Variants in SAMD3 observed in about 807,000 individuals in gnomAD.
SAMD3 encodes the protein sterile alpha motif domain-containing protein 3.
In SAMD3, 63 loss-of-function variants were observed where a neutral mutation model predicts 58.5. The ratio of observed to expected loss-of-function variants is 1.08; its 90% CI spans 0.88 to 1.33. The LOEUF is 1.33. SAMD3 is among the 40% of genes most tolerant of loss of function. SAMD3 has a pLI of 0.00. For synonymous variants in SAMD3, 220 were observed against 210.3 expected (o/e 1.05, Z -0.40); for missense variants, 604 against 608.4 (o/e 0.99, Z 0.08).
intron 1 of SAMD3, among the ~76,000 whole-genome samples, chr6:130,325,886 A>G (rs1776742667): frequency 6.6e-6 from 1 of 152,178 alleles, no homozygotes; most frequent in South Asian, 2.1e-4. Flanking sequence ...TCAAAAATCT[A>G]GAAGTTGACC....
chr6:130,185,530 T>C lies in SAMD3; in HGVS notation c.384-907A>G, dbSNP rs1792861572. Reference sequence around the variant, plus strand: ...TTTTAGTAGAGATGGAGTTTCACCATGTTGGCCAGGATGGTCTCAATCTCC... The same window carrying C: ...TTTTAGTAGAGATGGAGTTTCACCACGTTGGCCAGGATGGTCTCAATCTCC... On this transcript the variant is annotated intron_variant, in intron 5 of 11. Transcript: ENST00000439090. Among the ~76,000 whole-genome samples, 2 of 151,770 alleles carry C rather than the reference T, an allele frequency of 1.3e-5. 1 individual carries two copies. The highest frequency in any genetic ancestry group is 4.2e-4 in the South Asian group (2 of 4,802).
At chr6:130,301,643 G>T (rs1775752594) in intron 2 of SAMD3, among the ~76,000 whole-genome samples, 1 of 152,058 alleles carries the variant, frequency 6.6e-6, no homozygotes, top group South Asian at 2.1e-4. Context: ...TCAGCAAAAA[G>T]AACAAATCTG....
At chr6:130,218,926 A>G (rs951258168) in intron 1 of SAMD3, among the ~76,000 whole-genome samples, 2 of 152,234 alleles carry the variant, frequency 1.3e-5, no homozygotes, top group African/African-American at 4.8e-5. Context: ...AGAAAGGCTT[A>G]GAATGTTAAG....
upstream of SAMD3, among the ~76,000 whole-genome samples, chr6:130,223,684 G>A (rs1470009051): frequency 2.0e-5 from 3 of 152,154 alleles, no homozygotes; most frequent in Admixed American, 6.5e-5. Flanking sequence ...CTTGCAGGGC[G>A]TGCGATGGGT....
At chr6:130,346,400 G>A (rs1386987787) in intron 1 of SAMD3, among the ~76,000 whole-genome samples, 1 of 152,226 alleles carries the variant, frequency 6.6e-6, no homozygotes, top group African/African-American at 2.4e-5. Flanking sequence ...AGTGGTCTTA[G>A]CAAACGGCAC....
intron 5 of SAMD3, among the ~76,000 whole-genome samples, chr6:130,189,103 CAA>C (rs71028200): frequency 0.03 from 4,101 of 138,462 alleles, 82 homozygotes; most frequent in Non-Finnish European, 0.041. Context: ...TTAAAAAAAC[CAA>C]AAAAAAAAAA....
At chr6:130,169,040 A>G (rs917068463) in intron 8 of SAMD3, among the ~76,000 whole-genome samples, 23 of 152,138 alleles carry the variant, frequency 1.5e-4, no homozygotes, top group African/African-American at 4.8e-4. Flanking sequence ...TACGTGACAC[A>G]TGGACTCAAG....
In SAMD3 at chr6:130,217,326, G is replaced by A. The variant is rs551666537; in HGVS notation, c.-67-710C>T. Among the ~76,000 whole-genome samples, 9 of 152,232 alleles carry A rather than the reference G, an allele frequency of 5.9e-5. No homozygotes were observed. The East Asian group carries it at 1.7e-3, about 29-fold the overall frequency. On this transcript the variant is annotated intron_variant, in intron 1 of 11. Coordinates refer to ENST00000439090, the MANE Select transcript of SAMD3 (RefSeq NM_001017373.4). ...CAAATGAGAAAAGATATATCTGGTA[G>A]CTTTATTCTGAGCTTCAGAAACATA...
intron 2 of SAMD3, among the ~76,000 whole-genome samples, chr6:130,257,035 C>T (rs1773949449): frequency 6.6e-6 from 1 of 152,148 alleles, no homozygotes; most frequent in Admixed American, 6.5e-5. Flanking sequence ...GCCTTAACCC[C>T]CAATATGACT....
intron 2 of SAMD3, among the ~76,000 whole-genome samples, chr6:130,256,804 C>G (rs573559464): frequency 6.6e-6 from 1 of 152,280 alleles, no homozygotes; most frequent in Admixed American, 6.5e-5. Flanking sequence ...TAACCAGATA[C>G]CATTAAATGG....
chr6:130,178,564 T>G (rs1791961048), intron 7 of SAMD3, among the ~76,000 whole-genome samples: 1 of 152,170 alleles, frequency 6.6e-6, no homozygotes, highest in Non-Finnish European at 1.5e-5. Flanking sequence ...ATTTTGCCAT[T>G]CCTGGTTATA....
chr6:130,239,820 T>C (rs1194709417), intron 2 of SAMD3, among the ~76,000 whole-genome samples: 6 of 152,214 alleles, frequency 3.9e-5, no homozygotes, highest in Non-Finnish European at 4.4e-5. Context: ...ATTTGGTTCC[T>C]GGACCTAAGA....
chr6:130,340,109 A>ATTTCAGATTCCAT (rs1777223807), intron 1 of SAMD3, among the ~76,000 whole-genome samples: 1 of 152,202 alleles, frequency 6.6e-6, no homozygotes, highest in Non-Finnish European at 1.5e-5. Flanking sequence ...GGTTTACAAT[A>ATTTCAGATTCCAT]TGTGTTCAAT....
intron 2 of SAMD3, among the ~76,000 whole-genome samples, chr6:130,306,134 G>A (rs945374316): frequency 4.7e-4 from 72 of 152,288 alleles, no homozygotes; most frequent in African/African-American, 1.6e-3. Flanking sequence ...TTCAACGTAT[G>A]AATTGGGTAG....
Position 130,175,942 on chromosome 6 carries a change from G to T in SAMD3, c.721C>A (p.Gln241Lys), listed in dbSNP as rs1304326727. The T allele has an allele frequency of 1.2e-6, 2 of 1,612,928 alleles. No individual in the cohort carries two copies. The highest frequency in any genetic ancestry group is 2.2e-5 in the South Asian group (2 of 91,042). ...YVRRPIEDDE[Q>K]VIRNKCKFGH... ...AATTTACACTTATTTCTAATCACTT[G>T]CTCATCATCTTCTATGGGTCTTCGA... Residue 241 changes from glutamine to lysine, a missense_variant, in exon 8 of 12, where the codon CAA (glutamine) becomes AAA (lysine). Transcript: ENST00000439090.
At chr6:130,192,607 G>A (rs574848244) in intron 5 of SAMD3, among the ~76,000 whole-genome samples, 23 of 147,644 alleles carry the variant, frequency 1.6e-4, no homozygotes, top group South Asian at 1.3e-3. Context: ...ATCTCCCTTC[G>A]CTGACTCTCT....
chr6:130,151,345 T>C (rs911424849), intron 9 of SAMD3, among the ~76,000 whole-genome samples: 1 of 152,114 alleles, frequency 6.6e-6, no homozygotes, highest in African/African-American at 2.4e-5. Flanking sequence ...ATTTTTTTTT[T>C]CCAGCTTTAT....
At chr6:130,172,885 T>C (rs1255467850) in intron 8 of SAMD3, among the ~76,000 whole-genome samples, 1 of 152,256 alleles carries the variant, frequency 6.6e-6, no homozygotes, top group African/African-American at 2.4e-5. Context: ...CCCATATTTC[T>C]TGGAGGCTTT....
intron 1 of SAMD3, among the ~76,000 whole-genome samples, chr6:130,219,265 G>T (rs1475934287): frequency 6.6e-6 from 1 of 151,868 alleles, no homozygotes; most frequent in African/African-American, 2.4e-5. Context: ...CACCAAAAGG[G>T]GCTGTCTCTA....
Sources: allele counts gnomAD v4.1 joint callset (sites outside exome capture counted in the v4.1 genomes callset), GRCh38; gene constraint gnomAD v4.1.1; transcripts MANE v1.5; gene names NCBI Gene and HGNC (gene_info 2026-07-23, HGNC 2026-07-21).